NCOR1: variants seen among roughly 807,000 people sequenced by gnomAD.
The protein encoded by NCOR1 is nuclear receptor corepressor 1, also known as protein phosphatase 1, regulatory subunit 109.
Under a neutral mutation model 288.1 loss-of-function variants are expected in NCOR1, and 63 were observed. That is an observed-to-expected ratio of 0.22 (90% CI 0.18 to 0.27). The LOEUF is 0.27. Among genes scored for constraint, NCOR1 ranks in the 10% least tolerant of loss-of-function variants. The probability of loss-of-function intolerance (pLI) is 1.00; values close to 1 mark genes in which losing one functional copy is unlikely to be tolerated. For missense variants in NCOR1, 2,397 were observed against 3,019.2 expected (o/e 0.79, Z 4.83); for synonymous variants, 1,007 against 1,065.9 (o/e 0.94, Z 1.08).
chr17:16,208,355 G>A (rs1458911167), intron 1 of NCOR1, among the ~76,000 whole-genome samples: 1 of 151,316 alleles, frequency 6.6e-6, no homozygotes, highest in South Asian at 2.1e-4. Context: ...ACCATGCCTG[G>A]CCAACCGTTC....
intron 27 of NCOR1, among the ~76,000 whole-genome samples, chr17:16,075,167 G>A (rs550377907): frequency 1.3e-5 from 2 of 152,182 alleles, no homozygotes; most frequent in East Asian, 1.9e-4. Context: ...GTGAACCACC[G>A]CGCCCAGCCT....
rs1313368775 is a variant in NCOR1 at position 16,086,143 on chromosome 17, T to C, written c.3177+139A>G. On this transcript the variant is annotated intron_variant, in intron 23 of 45. Transcript: ENST00000268712. ...AGAGTACAGTGACTGCTGCATCTTC[T>C]GGTCATTATCTCTTGAAACTTCATA... The C allele has an allele frequency of 6.1e-6, 6 of 976,600 alleles. No individual in the cohort carries two copies. In the Admixed American group the frequency reaches 1.1e-4, roughly 18 times the overall value. The allele number at this position is 976,600 out of a possible 1,614,324, so 60.5% of individuals were successfully genotyped here.
Position 16,138,947 on chromosome 17 carries a change from C to T in NCOR1, c.1352+61G>A, listed in dbSNP as rs111843166. ...AACAGTTCAATTTACAAGTAAATGC[C>T]AAATACTTTTTACTAACTTATGTAG... On this transcript the variant is annotated intron_variant, in intron 12 of 45. Transcript: ENST00000268712. 4,933 of 1,274,540 alleles carry T rather than the reference C, an allele frequency of 3.9e-3. 147 individuals carry two copies. In the African/African-American group the frequency reaches 0.063, roughly 16 times the overall value. 79.0% of individuals were successfully genotyped at this position (1,274,540 alleles called of 1,614,324 possible).
At chr17:16,186,834 C>A in intron 2 of NCOR1, 147 bp from the exon 3 acceptor site, 3 of 691,250 alleles carry the variant, frequency 4.3e-6, no homozygotes, top group Non-Finnish European at 4.7e-6. Context: ...CTAATTCTTC[C>A]CCTTAAAATA....
intron 25 of NCOR1, 63 bp downstream of exon 25, chr17:16,080,345 A>T (rs1488406110): frequency 7.7e-7 from 1 of 1,295,740 alleles, no homozygotes; most frequent in African/African-American, 1.5e-5. Context: ...TATATTAATA[A>T]CTTACTTTAA....
At chr17:16,157,603 T>C (rs576757767) in intron 6 of NCOR1, among the ~76,000 whole-genome samples, 13 of 152,312 alleles carry the variant, frequency 8.5e-5, no homozygotes, top group Admixed American at 6.5e-4. Context: ...TAAGATAGAC[T>C]GACAGATGAA....
chr17:16,171,891 T>A lies in NCOR1; in HGVS notation c.347A>T (p.Asp116Val), dbSNP rs1345065403. The change falls in exon 4 of 46, where the codon GAT (aspartate) becomes GTT (valine). Residue 116 changes from aspartate to valine, a missense_variant. Around this residue, in one of 11 missense-constraint regions of NCOR1, gnomAD observed 110 missense variants for 123.2 expected, o/e 0.89. Coordinates refer to ENST00000268712, the MANE Select transcript of NCOR1 (RefSeq NM_006311.4). ...SKRPRLEQVS[D>V]SHFQRVSAAV... ...AGCACTGACACGCTGAAAATGAGAA[T>A]CAGAAACCTGTTCCAGACGTGGTCG... The A allele has an allele frequency of 6.2e-7, 1 of 1,613,288 alleles. No individual in the cohort carries two copies. Among genetic ancestry groups the A allele is most frequent in the Non-Finnish European group, 8.5e-7 (1 of 1,179,668 alleles).
At chr17:16,144,226 C>T (rs909316341) in intron 10 of NCOR1, among the ~76,000 whole-genome samples, 7 of 152,126 alleles carry the variant, frequency 4.6e-5, no homozygotes, top group African/African-American at 1.7e-4. Flanking sequence ...TGGCCATCAG[C>T]TGAATATAGT....
chr17:16,143,616 G>A lies in NCOR1; in HGVS notation c.1163C>T (p.Ser388Phe). 6.2e-7 allele frequency: 1 copy of A among 1,612,748 alleles called. No homozygotes were observed. The change falls in exon 11 of 46, where the codon TCT becomes TTT. Residue 388 changes from serine to phenylalanine, a missense_variant. Ser to Phe is a radical substitution (Grantham distance 155). Transcript: ENST00000268712. The part of the protein sequence containing the change: ...HEISEIIDGL[S>F]EQENNEKQMR... ...AATTTATTTTCTTACCTCCTGCTCA[G>A]AGAGCCCATCAATAATTTCAGAAAT...
intron 27 of NCOR1, among the ~76,000 whole-genome samples, chr17:16,074,719 T>C (rs1262375178): frequency 1.3e-5 from 2 of 152,208 alleles, no homozygotes; most frequent in Admixed American, 1.3e-4. Context: ...CTAATATTTC[T>C]ATCACATTTG....
intron 45 of NCOR1, among the ~76,000 whole-genome samples, chr17:16,032,923 C>T (rs1972509691): frequency 6.6e-6 from 1 of 152,206 alleles, no homozygotes; most frequent in Non-Finnish European, 1.5e-5. Context: ...TGCAAGTCAT[C>T]TGCTGAATCT....
intron 42 of NCOR1, among the ~76,000 whole-genome samples, chr17:16,041,502 C>CT (rs2057616335): frequency 6.7e-6 from 1 of 149,078 alleles, no homozygotes; most frequent in East Asian, 1.9e-4. Flanking sequence ...CAACCTCTGC[C>CT]TCCTGGGTTC....
At chr17:16,077,580 A>AGGAGAG (rs2062744871) in intron 26 of NCOR1, among the ~76,000 whole-genome samples, 1 of 9,604 alleles carries the variant, frequency 1.0e-4, no homozygotes, top group Non-Finnish European at 1.8e-4. Context: ...GGGGGAGGGG[A>AGGAGAG]GGGGGAGGGG....
chr17:16,139,810 G>C (rs1376225481), intron 11 of NCOR1, among the ~76,000 whole-genome samples: 1 of 152,066 alleles, frequency 6.6e-6, no homozygotes, highest in East Asian at 1.9e-4. Context: ...GTTTAACTGA[G>C]GAAATTTTTA....
chr17:16,213,560 A>ATT (rs1156725379), intron 1 of NCOR1, among the ~76,000 whole-genome samples: 1 of 152,086 alleles, frequency 6.6e-6, no homozygotes, highest in Non-Finnish European at 1.5e-5. Flanking sequence ...AAATAGGTAC[A>ATT]TAAATACCTA....
At chr17:16,038,619 T>C (rs1313634295) in intron 44 of NCOR1, among the ~76,000 whole-genome samples, 1 of 152,130 alleles carries the variant, frequency 6.6e-6, no homozygotes, top group Non-Finnish European at 1.5e-5. Context: ...GTAATTTTTG[T>C]AGAGACGGGG....
intron 21 of NCOR1, among the ~76,000 whole-genome samples, chr17:16,095,841 T>C (rs1379570622): frequency 6.6e-6 from 1 of 151,686 alleles, no homozygotes; most frequent in African/African-American, 2.4e-5. Context: ...AACAGCTCAT[T>C]GAGAACGGGC....
intron 11 of NCOR1, among the ~76,000 whole-genome samples, chr17:16,143,150 T>C (rs1208465163): frequency 6.6e-6 from 1 of 152,180 alleles, no homozygotes; most frequent in Non-Finnish European, 1.5e-5. Flanking sequence ...TTGAAGAACA[T>C]ACTGCCATTT....
intron 42 of NCOR1, among the ~76,000 whole-genome samples, chr17:16,042,968 A>G (rs1399017890): frequency 2.0e-5 from 3 of 152,196 alleles, no homozygotes; most frequent in African/African-American, 2.4e-5. Context: ...GACTCAAATT[A>G]TAAGACATGA....
Sources: allele counts gnomAD v4.1 joint callset (sites outside exome capture counted in the v4.1 genomes callset), GRCh38; gene constraint gnomAD v4.1.1; regional missense constraint gnomAD v4.1.1; transcripts MANE v1.5; gene names NCBI Gene and HGNC (gene_info 2026-07-23, HGNC 2026-07-21).